JPT1: variants seen among roughly 807,000 people sequenced by gnomAD.
The protein encoded by JPT1 is androgen-regulated protein 2.
In JPT1, 5 loss-of-function variants were observed where a neutral mutation model predicts 17.0. That is an observed-to-expected ratio of 0.29 (90% CI 0.15 to 0.62). JPT1 has a LOEUF of 0.62. Ranked by LOEUF, JPT1 falls within the 20% of genes least tolerant of loss-of-function variation. The pLI is 0.85. For missense variants in JPT1, 158 were observed against 188.1 expected (o/e 0.84, Z 0.94); for synonymous variants, 71 against 73.6 (o/e 0.96, Z 0.18).
rs1006035462 is a variant in JPT1, at chr17:75,146,680, T to C, written c.302A>G (p.Glu101Gly). Residue 101 changes from glutamate (E) to glycine (G), a missense_variant, in exon 4 of 5, where the codon GAA becomes GGA. Transcript: ENST00000409753. The stretch of plus-strand genomic sequence containing the variant: ...GAAGTACTTACCATGAATATCACCT[T>C]CTCCCTAGAAAAGAAAAAAATTCAA... The part of the protein sequence containing the change: ...SSGDFLDLKG[E>G]GDIHENVDTD... 4 of 1,540,432 alleles carry C rather than the reference T, an allele frequency of 2.6e-6. No individual in the cohort carries two copies. The South Asian group carries it at 3.6e-5, about 14-fold the overall frequency.
chr17:75,147,472 C>T, intron 3 of JPT1, 84 bp downstream of exon 3: 3 of 912,508 alleles, frequency 3.3e-6, no homozygotes, highest in Non-Finnish European at 5.4e-6. Context: ...TGTAAAATTC[C>T]AGTGGGTGAA....
chr17:75,136,171 C>A lies in JPT1; in HGVS notation c.396G>T (p.Pro132=). The change falls in exon 5 of 5, where the codon CCG becomes CCT. Residue 132 remains proline, a synonymous_variant. Coordinates refer to ENST00000409753, the MANE Select transcript of JPT1 (RefSeq NM_016185.4). ...TGGATGGCACTGGGGCCGGGGCCAC[C>A]GGGCTGGGCACAGGCGCAGCAGGCA... ...KPVPAAPVPS[P]VAPAPVPSRR... The A allele has an allele frequency of 6.2e-7, 1 of 1,614,132 alleles. No homozygotes were observed. Among genetic ancestry groups the A allele is most frequent in the Middle Eastern group, 1.6e-4 (1 of 6,062 alleles).
intron 1 of JPT1, chr17:75,153,207 CTG>C (rs2074580865): frequency 6.6e-6 from 1 of 152,204 alleles, no homozygotes; most frequent in Non-Finnish European, 1.5e-5. Context: ...CCAGACATAA[CTG>C]TAACCCACCT....
chr17:75,148,791 G>C, intron 1 of JPT1, 120 bp from the exon 2 acceptor site: 1 of 1,161,898 alleles, frequency 8.6e-7, no homozygotes, highest in Non-Finnish European at 1.2e-6. Context: ...CCCTACAACA[G>C]ATAGCTGCTA....
intron 4 of JPT1, among the ~76,000 whole-genome samples, chr17:75,136,622 G>A (rs2074203471): frequency 6.6e-6 from 1 of 152,120 alleles, no homozygotes; most frequent in Non-Finnish European, 1.5e-5. Flanking sequence ...CTCTCTAGTA[G>A]CTGGGATTAC....
At chr17:75,148,351 C>T (rs1368856431) in intron 2 of JPT1, among the ~76,000 whole-genome samples, 178 bp downstream of exon 2, 1 of 152,170 alleles carries the variant, frequency 6.6e-6, no homozygotes, top group Non-Finnish European at 1.5e-5. Context: ...GCTCAGCAAT[C>T]CTCCCACCTC....
chr17:75,149,882 C>CACA (rs2074513627), intron 1 of JPT1, among the ~76,000 whole-genome samples: 1 of 149,820 alleles, frequency 6.7e-6, no homozygotes, highest in South Asian at 2.1e-4. Flanking sequence ...CACACACACA[C>CACA]ACTTAAGTCA....
At chr17:75,139,052 A>G (rs1042354854) in intron 4 of JPT1, among the ~76,000 whole-genome samples, 3 of 152,240 alleles carry the variant, frequency 2.0e-5, no homozygotes, top group African/African-American at 4.8e-5. Context: ...TTGTAAAAGA[A>G]GCAAGATCAA....
At chr17:75,146,613 T>G (rs914625413) in intron 4 of JPT1, 53 bp downstream of exon 4, 45 of 1,342,936 alleles carry the variant, frequency 3.4e-5, no homozygotes, top group Non-Finnish European at 4.6e-5. Flanking sequence ...AAGATTCAGA[T>G]CTGTCCTAAA....
intron 1 of JPT1, among the ~76,000 whole-genome samples, chr17:75,149,950 C>T (rs1423232845): frequency 6.6e-6 from 1 of 152,106 alleles, no homozygotes; most frequent in African/African-American, 2.4e-5. Context: ...ATCTCAACCT[C>T]ACTAAAAAGC....
chr17:75,150,029 T>TA (rs1177767907), intron 1 of JPT1, among the ~76,000 whole-genome samples: 1 of 152,222 alleles, frequency 6.6e-6, no homozygotes, highest in Non-Finnish European at 1.5e-5. Context: ...GCAAAGTCAG[T>TA]ATGAGCAATT....
Position 75,136,007 on chromosome 17 carries a change from G to A in JPT1, c.*95C>T. 6.2e-7 allele frequency: 1 copy of A among 1,605,900 alleles called. No homozygotes were observed. On this transcript the variant is annotated 3_prime_UTR_variant, in exon 5 of 5. Transcript: ENST00000409753. ...AGTACATAAAGTGCTTCTTTTTAAT[G>A]AAACAAATCCAAGAGATGTACAGTC...
chr17:75,148,440 CG>C, intron 2 of JPT1, 88 bp downstream of exon 2: 1 of 1,492,542 alleles, frequency 6.7e-7, no homozygotes, highest in African/African-American at 1.4e-5. Flanking sequence ...TTTTTAGACA[CG>C]GGGGCACATG....
chr17:75,136,147 G>T lies in JPT1; in HGVS notation c.420C>A (p.Ser140=). ...ACTTGCCGCCAGGGGGATTTCTTCT[G>T]GATGGCACTGGGGCCGGGGCCACCG... ...PSPVAPAPVP[S]RRNPPGGKSS... The change falls in exon 5 of 5, where the codon TCC becomes TCA. Residue 140 remains serine, a synonymous_variant. Transcript: ENST00000409753. The T allele has an allele frequency of 6.2e-7, 1 of 1,614,220 alleles. No homozygotes were observed. The highest frequency in any genetic ancestry group is 8.5e-7 in the Non-Finnish European group (1 of 1,180,046).
At chr17:75,153,091 T>G (rs550084004) in intron 1 of JPT1, 1 of 152,272 alleles carries the variant, frequency 6.6e-6, no homozygotes, top group Admixed American at 6.5e-5. Flanking sequence ...TTTGTGCCAC[T>G]TGGCCAGGAC....
intron 4 of JPT1, among the ~76,000 whole-genome samples, chr17:75,139,711 G>T (rs901594503): frequency 1.3e-5 from 2 of 152,046 alleles, no homozygotes; most frequent in Non-Finnish European, 2.9e-5. Flanking sequence ...ACAGATACTC[G>T]GGAGGCTGAG....
At chr17:75,142,290 T>C (rs2074328838) in intron 4 of JPT1, among the ~76,000 whole-genome samples, 1 of 151,398 alleles carries the variant, frequency 6.6e-6, no homozygotes, top group African/African-American at 2.4e-5. Flanking sequence ...CCGGGCCTGG[T>C]GGCTCACGCC....
chr17:75,145,002 G>A (rs556546801), intron 4 of JPT1, among the ~76,000 whole-genome samples: 7 of 151,624 alleles, frequency 4.6e-5, no homozygotes, highest in South Asian at 2.1e-4. Context: ...CTGTGAGGCC[G>A]GGCGCAGTGG....
At chr17:75,147,720 T>C in intron 2 of JPT1, 67 bp from the exon 3 acceptor site, 1 of 1,266,164 alleles carries the variant, frequency 7.9e-7, no homozygotes, top group Non-Finnish European at 1.1e-6. Context: ...CACTTCAGGC[T>C]GGGCACGGTG....
Sources: gnomAD v4.1 joint callset for allele counts (sites outside exome capture counted in the v4.1 genomes callset) on GRCh38, gnomAD v4.1.1 for gene constraint, MANE v1.5 for transcripts, NCBI Gene and HGNC (gene_info 2026-07-23, HGNC 2026-07-21) for gene names.